HDAC9: variants seen among roughly 807,000 people sequenced by gnomAD.
The protein encoded by HDAC9 is histone deacetylase 9, also known as MEF-2 interacting transcription repressor (MITR) protein.
In HDAC9, 41 loss-of-function variants were observed where a neutral mutation model predicts 139.4. The ratio of observed to expected loss-of-function variants is 0.29; its 90% CI spans 0.23 to 0.38. HDAC9 has a LOEUF of 0.38. HDAC9 is among the 10% of genes least tolerant of loss of function. HDAC9 has a pLI of 1.00. For synonymous variants in HDAC9, 517 were observed against 476.2 expected (o/e 1.09, Z -1.12); for missense variants, 1,147 against 1,297.0 (o/e 0.88, Z 1.78).
intron 13 of HDAC9, among the ~76,000 whole-genome samples, chr7:18,737,084 C>T (rs776723281): frequency 6.6e-6 from 1 of 152,182 alleles, no homozygotes; most frequent in East Asian, 1.9e-4. Context: ...GGTGATATCC[C>T]CTTTTTCATT....
rs1017000939 is a variant in HDAC9, at chr7:18,594,093, C to T, written c.664+64C>T. ...AACACACCTGTAAGTTTCATTTTGCCACACCTCTAGAAGAAAGTCAAAGGA... is the reference window on the plus strand; with the variant it reads ...AACACACCTGTAAGTTTCATTTTGCTACACCTCTAGAAGAAAGTCAAAGGA... On this transcript the variant is annotated intron_variant, in intron 6 of 25. Transcript: ENST00000686413. The T allele has an allele frequency of 1.4e-5, 22 of 1,561,512 alleles. No homozygotes were observed. In the Admixed American group the frequency reaches 1.9e-4, roughly 13 times the overall value.
At chr7:18,747,786 T>C (rs1788111223) in intron 13 of HDAC9, among the ~76,000 whole-genome samples, 1 of 152,230 alleles carries the variant, frequency 6.6e-6, no homozygotes, top group South Asian at 2.1e-4. Context: ...TTCTACCACA[T>C]GGTTTCAAAA....
intron 2 of HDAC9, among the ~76,000 whole-genome samples, chr7:18,229,292 C>T (rs1431383637): frequency 6.6e-6 from 1 of 152,144 alleles, no homozygotes; most frequent in Non-Finnish European, 1.5e-5. Flanking sequence ...TGGTAACGAT[C>T]CATTTACCCA....
At chr7:18,369,963 G>A (rs1261263203) in intron 1 of HDAC9, among the ~76,000 whole-genome samples, 1 of 151,978 alleles carries the variant, frequency 6.6e-6, no homozygotes, top group Non-Finnish European at 1.5e-5. Context: ...ATTTTTTTTT[G>A]TAGGTTGAAA....
chr7:18,699,489 A>G (rs1273733203), intron 12 of HDAC9, among the ~76,000 whole-genome samples: 1 of 152,182 alleles, frequency 6.6e-6, no homozygotes, highest in African/African-American at 2.4e-5. Context: ...TAGTGCAAAT[A>G]AGAAGTGTAA....
chr7:18,573,212 A>T (rs960610653), intron 2 of HDAC9, among the ~76,000 whole-genome samples: 7 of 152,238 alleles, frequency 4.6e-5, no homozygotes, highest in African/African-American at 9.6e-5. Flanking sequence ...CTTGAACAGA[A>T]TCACTGTGAG....
At position 18,727,649 on chromosome 7, in the gene HDAC9, G is replaced by C. The variant is rs761522691; in HGVS notation, c.1801G>C (p.Asp601His). The C allele has an allele frequency of 3.8e-6, 6 of 1,591,562 alleles. No homozygotes were observed. Among genetic ancestry groups the C allele is most frequent in the Non-Finnish European group, 5.1e-6 (6 of 1,172,140 alleles). ...RQAPLAAVGM[D>H]GLEKHRLVSR... ...AGCTCCGCTGGCTGCGGTTGGCATG[G>C]ATGGATTAGAGAAACACCGTCTCGT... Residue 601 changes from aspartate (D) to histidine (H), a missense_variant, in exon 13 of 26, where the codon GAT (aspartate) becomes CAT (histidine). Asp to His is a moderately conservative substitution (Grantham distance 81, BLOSUM62 -1). This residue lies in a region of HDAC9 where 256 missense variants were observed against 219.2 expected (regional missense o/e 1.17). Coordinates refer to ENST00000686413, the MANE Select transcript of HDAC9 (RefSeq NM_178425.4).
rs1235938829 is a variant in HDAC9 at position 18,585,542 on chromosome 7, CTG to C, written c.264+23_264+24del. The C allele has an allele frequency of 6.2e-7, 1 of 1,610,932 alleles. No homozygotes were observed. The highest frequency in any genetic ancestry group is 1.1e-5 in the South Asian group (1 of 90,958). ...ATCAAGGTAGCAAATGCTTCTTTGT[CTG>C]TGACCTTACTCAGGAGTCTGCACCG... On this transcript the variant is annotated intron_variant, in intron 3 of 25. Coordinates refer to ENST00000686413, the MANE Select transcript of HDAC9 (RefSeq NM_178425.4).
At chr7:18,521,094 CT>C (rs1804878879) in intron 2 of HDAC9, among the ~76,000 whole-genome samples, 1 of 152,072 alleles carries the variant, frequency 6.6e-6, no homozygotes, top group Non-Finnish European at 1.5e-5. Flanking sequence ...TGCAGAAAAC[CT>C]TTCTTTTTTG....
intron 2 of HDAC9, among the ~76,000 whole-genome samples, chr7:18,533,450 G>T (rs1245481066): frequency 1.3e-5 from 2 of 152,080 alleles, no homozygotes; most frequent in African/African-American, 4.8e-5. Flanking sequence ...TTACATACCT[G>T]AAAATGTCAT....
chr7:18,477,433 T>C (rs574113479), intron 1 of HDAC9, among the ~76,000 whole-genome samples: 1 of 151,928 alleles, frequency 6.6e-6, no homozygotes, highest in South Asian at 2.1e-4. Flanking sequence ...GTGAAACAAA[T>C]ACACACAGGT....
chr7:18,683,313 G>A (rs1283802484), intron 12 of HDAC9, among the ~76,000 whole-genome samples: 2 of 152,032 alleles, frequency 1.3e-5, no homozygotes, highest in Non-Finnish European at 2.9e-5. Flanking sequence ...AGTGTCGTTT[G>A]TGCCACTATG....
At chr7:18,948,179 C>G (rs1162132860) in intron 23 of HDAC9, among the ~76,000 whole-genome samples, 1 of 151,896 alleles carries the variant, frequency 6.6e-6, no homozygotes, top group Non-Finnish European at 1.5e-5. Flanking sequence ...GATACTCTTA[C>G]TGCTTCATTT....
intron 2 of HDAC9, among the ~76,000 whole-genome samples, chr7:18,198,363 T>G (rs73681725): frequency 1.2e-3 from 189 of 152,122 alleles, no homozygotes; most frequent in African/African-American, 4.3e-3. Flanking sequence ...ATAGAGAAAT[T>G]TTGGTTCTTA....
At chr7:18,968,958 C>CAAAAAAAAAAAAAAA (rs34379636) in intron 24 of HDAC9, among the ~76,000 whole-genome samples, 3 of 45,190 alleles carry the variant, frequency 6.6e-5, no homozygotes, top group African/African-American at 1.9e-4. Flanking sequence ...GCCTCCCTCT[C>CAAAAAAAAAAAAAAA]AAAAAAAAAA....
At chr7:18,960,782 A>G (rs1222922248) in intron 24 of HDAC9, among the ~76,000 whole-genome samples, 1 of 152,112 alleles carries the variant, frequency 6.6e-6, no homozygotes, top group Non-Finnish European at 1.5e-5. Flanking sequence ...TCATTATAAT[A>G]TCCTCTACCG....
intron 12 of HDAC9, chr7:18,667,713 G>C: frequency 1.6e-5 from 16 of 985,048 alleles, no homozygotes; most frequent in Non-Finnish European, 1.9e-5. Context: ...AAAAATCTGA[G>C]GATAGTGCTT....
intron 12 of HDAC9, among the ~76,000 whole-genome samples, chr7:18,693,046 G>A (rs1282453343): frequency 2.0e-5 from 3 of 151,070 alleles, no homozygotes; most frequent in African/African-American, 7.3e-5. Flanking sequence ...AACTAATTGT[G>A]CCCCATAAAT....
At chr7:18,515,616 A>G (rs1802935288) in intron 2 of HDAC9, among the ~76,000 whole-genome samples, 1 of 152,256 alleles carries the variant, frequency 6.6e-6, no homozygotes, top group Non-Finnish European at 1.5e-5. Context: ...AAAGAGCATT[A>G]TAATTTTGGA....
Sources: gnomAD v4.1 joint callset for allele counts (sites outside exome capture counted in the v4.1 genomes callset) on GRCh38, gnomAD v4.1.1 for gene constraint, gnomAD v4.1.1 regional missense constraint, MANE v1.5 for transcripts, NCBI Gene and HGNC (gene_info 2026-07-23, HGNC 2026-07-21) for gene names.